The following C1orf21 variants were observed in gnomAD, a reference collection of about 807,000 sequenced individuals.
C1orf21 encodes the protein uncharacterized protein C1orf21.
Under a neutral mutation model 18.7 loss-of-function variants are expected in C1orf21, and 3 were observed. The ratio of observed to expected loss-of-function variants is 0.16; its 90% CI spans 0.07 to 0.42. C1orf21 has a LOEUF of 0.42. Ranked by LOEUF, C1orf21 falls within the 10% of genes least tolerant of loss-of-function variation. C1orf21 has a pLI of 0.99. For synonymous variants in C1orf21, 41 were observed against 46.4 expected (o/e 0.88, Z 0.47); for missense variants, 104 against 143.6 (o/e 0.72, Z 1.41).
intron 3 of C1orf21, among the ~76,000 whole-genome samples, chr1:184,586,127 C>T (rs114384693): frequency 0.012 from 1,829 of 152,188 alleles, 43 homozygotes; most frequent in African/African-American, 0.042. Flanking sequence ...TGTTATTTTT[C>T]GACTTTTTAA....
intron 1 of C1orf21, among the ~76,000 whole-genome samples, chr1:184,446,996 A>G (rs983329677): frequency 6.6e-6 from 1 of 152,152 alleles, no homozygotes; most frequent in African/African-American, 2.4e-5. Flanking sequence ...ATAAGAAAAT[A>G]TTAAAAAGCA....
At position 184,619,661 on chromosome 1, in the gene C1orf21, C is replaced by A; in HGVS notation, c.*105C>A. 2.0e-6 allele frequency: 2 copies of A among 1,007,632 alleles called. No individual in the cohort carries two copies. The highest frequency in any genetic ancestry group is 2.4e-5 in the Admixed American group (1 of 40,826). 62.4% of individuals were successfully genotyped at this position (1,007,632 alleles called of 1,614,324 possible). On this transcript the variant is annotated 3_prime_UTR_variant, in exon 6 of 6. Coordinates refer to ENST00000235307, the MANE Select transcript of C1orf21 (RefSeq NM_030806.4). Reference sequence around the variant, plus strand: ...TTCTATTCAGCGAACAGCACTATAGCAAAAGAAGATCGTTCCATATTGTAC... The same window carrying A: ...TTCTATTCAGCGAACAGCACTATAGAAAAAGAAGATCGTTCCATATTGTAC...
At chr1:184,573,788 T>A (rs1659147166) in intron 3 of C1orf21, among the ~76,000 whole-genome samples, 1 of 152,092 alleles carries the variant, frequency 6.6e-6, no homozygotes, top group Non-Finnish European at 1.5e-5. Context: ...AAGCAATATA[T>A]CCTTGGTACA....
chr1:184,600,119 A>C (rs999902788), intron 5 of C1orf21, among the ~76,000 whole-genome samples: 4 of 152,166 alleles, frequency 2.6e-5, no homozygotes, highest in African/African-American at 9.7e-5. Context: ...ATCTTTTTAA[A>C]CAACACTTAC....
At chr1:184,475,062 CG>C (rs1204509710) in intron 1 of C1orf21, among the ~76,000 whole-genome samples, 1 of 152,140 alleles carries the variant, frequency 6.6e-6, no homozygotes, top group Admixed American at 6.5e-5. Context: ...CAGCAGCCTC[CG>C]GGTTAGAGAG....
chr1:184,459,034 C>T (rs16823189), intron 1 of C1orf21, among the ~76,000 whole-genome samples: 1 of 152,006 alleles, frequency 6.6e-6, no homozygotes, highest in East Asian at 1.9e-4. Context: ...GTTATTTAAC[C>T]CTTCTATGTA....
chr1:184,585,888 T>C (rs1571289808), intron 3 of C1orf21, among the ~76,000 whole-genome samples: 2 of 152,354 alleles, frequency 1.3e-5, no homozygotes, highest in South Asian at 4.1e-4. Context: ...TTTGGGTTGA[T>C]TCCATGTCTT....
chr1:184,433,021 C>T (rs1656791778), intron 1 of C1orf21, among the ~76,000 whole-genome samples: 1 of 152,176 alleles, frequency 6.6e-6, no homozygotes, highest in South Asian at 2.1e-4. Flanking sequence ...ATGCTACAGT[C>T]CCCTTAGGTT....
chr1:184,530,318 TG>T (rs1005041507), intron 3 of C1orf21, among the ~76,000 whole-genome samples: 4 of 152,070 alleles, frequency 2.6e-5, no homozygotes, highest in African/African-American at 9.7e-5. Context: ...GAGACAATAA[TG>T]GCACCCACCA....
intron 1 of C1orf21, among the ~76,000 whole-genome samples, chr1:184,458,825 A>T (rs1010746321): frequency 2.0e-5 from 3 of 152,232 alleles, no homozygotes; most frequent in African/African-American, 7.2e-5. Flanking sequence ...GTGAAGGTAA[A>T]ACTCTAAAAA....
intron 1 of C1orf21, among the ~76,000 whole-genome samples, chr1:184,400,013 C>G (rs778502084): frequency 8.3e-6 from 1 of 121,130 alleles, no homozygotes; most frequent in African/African-American, 6.2e-5. Context: ...AGGAAACCAA[C>G]AAGATTTTTT....
chr1:184,450,088 G>A (rs987355974), intron 1 of C1orf21, among the ~76,000 whole-genome samples: 1 of 152,146 alleles, frequency 6.6e-6, no homozygotes, highest in African/African-American at 2.4e-5. Context: ...CAGTTGCTTA[G>A]AAGGCAGGAC....
At chr1:184,508,554 C>T (rs941321508) in intron 3 of C1orf21, among the ~76,000 whole-genome samples, 2 of 152,072 alleles carry the variant, frequency 1.3e-5, no homozygotes, top group African/African-American at 2.4e-5. Context: ...TCTGCTACAG[C>T]AGAGGAATTT....
intron 1 of C1orf21, among the ~76,000 whole-genome samples, chr1:184,475,451 A>G (rs1253856939): frequency 6.6e-6 from 1 of 152,086 alleles, no homozygotes; most frequent in East Asian, 1.9e-4. Context: ...TAATGCTACC[A>G]TCCTTTCAGC....
intron 1 of C1orf21, among the ~76,000 whole-genome samples, chr1:184,470,878 CA>C (rs35608530): frequency 0.14 from 19,319 of 137,014 alleles, 1,469 homozygotes; most frequent in East Asian, 0.26. Context: ...GACTCTTTCT[CA>C]AAAAAAAAAA....
intron 1 of C1orf21, among the ~76,000 whole-genome samples, chr1:184,401,923 A>G (rs552319696): frequency 5.5e-4 from 84 of 152,278 alleles, no homozygotes; most frequent in African/African-American, 1.9e-3. Flanking sequence ...CTAAGTTTTT[A>G]AGAACTAATG....
intron 3 of C1orf21, chr1:184,567,143 C>G: frequency 2.1e-6 from 1 of 472,806 alleles, no homozygotes; most frequent in Non-Finnish European, 4.3e-6. Flanking sequence ...GCCCTGCCTT[C>G]TTCATGAAGG....
chr1:184,519,830 G>A (rs535427547), intron 3 of C1orf21, among the ~76,000 whole-genome samples: 27 of 152,122 alleles, frequency 1.8e-4, no homozygotes, highest in East Asian at 9.7e-4. Context: ...TCTTCCTGTC[G>A]ACTTCATTTG....
chr1:184,594,051 T>A (rs1224774102), intron 4 of C1orf21, among the ~76,000 whole-genome samples: 5 of 152,232 alleles, frequency 3.3e-5, no homozygotes, highest in Admixed American at 6.5e-5. Context: ...TGGAGTCAGC[T>A]ATGGGTGGTT....
Sources: gnomAD v4.1 joint callset for allele counts (sites outside exome capture counted in the v4.1 genomes callset) on GRCh38, gnomAD v4.1.1 for gene constraint, MANE v1.5 for transcripts, NCBI Gene and HGNC (gene_info 2026-07-23, HGNC 2026-07-21) for gene names.